The following DENND2C variants were observed in gnomAD, a reference collection of about 807,000 sequenced individuals.
DENND2C encodes DENN domain-containing protein 2C.
A neutral mutation model predicts 112.4 loss-of-function variants in DENND2C; 72 were observed. That is an observed-to-expected ratio of 0.64 (90% CI 0.53 to 0.78). The LOEUF (loss-of-function observed/expected upper bound fraction) is 0.78, where lower values mean the gene tolerates loss of function less well. DENND2C is among the 30% of genes least tolerant of loss of function. The pLI is 0.00. For missense variants in DENND2C, 992 were observed against 1,113.8 expected (o/e 0.89, Z 1.56); for synonymous variants, 329 against 381.6 (o/e 0.86, Z 1.61).
chr1:114,659,691 AT>A (rs1259603494), intron 1 of DENND2C, among the ~76,000 whole-genome samples: 2 of 152,156 alleles, frequency 1.3e-5, no homozygotes, highest in African/African-American at 4.8e-5. Context: ...ATTCTAAAAT[AT>A]TGAAAAATAT....
At position 114,614,813 on chromosome 1, in the gene DENND2C, C is replaced by A. The variant is rs545732304; in HGVS notation, c.1324+3573G>T. Among the ~76,000 whole-genome samples, 8 of 152,178 alleles carry A rather than the reference C, an allele frequency of 5.3e-5. No homozygotes were observed. The East Asian group carries it at 1.2e-3, about 22-fold the overall frequency. On this transcript the variant is annotated intron_variant, in intron 8 of 20. Coordinates refer to ENST00000393274, the MANE Select transcript of DENND2C (RefSeq NM_001256404.2). ...GGATCACGAGGTCAAGAGATTGAGA[C>A]CATCCTGGCCAACGTGGTGAAACCT...
At chr1:114,647,757 A>G (rs1657034668) in intron 2 of DENND2C, among the ~76,000 whole-genome samples, 1 of 151,908 alleles carries the variant, frequency 6.6e-6, no homozygotes, top group Non-Finnish European at 1.5e-5. Flanking sequence ...TTACTTATTA[A>G]GTGTTTACAT....
intron 3 of DENND2C, among the ~76,000 whole-genome samples, chr1:114,630,379 A>C (rs1656457277): frequency 6.6e-6 from 1 of 152,176 alleles, no homozygotes. Context: ...GCCATGATGG[A>C]GTAGCTGAAC....
intron 3 of DENND2C, among the ~76,000 whole-genome samples, chr1:114,634,731 T>G (rs1656601472): frequency 6.6e-6 from 1 of 152,120 alleles, no homozygotes; most frequent in Non-Finnish European, 1.5e-5. Context: ...TTCTTGATAT[T>G]TGAAACTGGA....
At chr1:114,610,949 A>G in intron 9 of DENND2C, 124 bp downstream of exon 9, 1 of 1,096,468 alleles carries the variant, frequency 9.1e-7, no homozygotes, top group Admixed American at 2.1e-5. Flanking sequence ...CTCTGAAAAT[A>G]AGGAAATCAT....
intron 11 of DENND2C, among the ~76,000 whole-genome samples, chr1:114,602,514 T>C (rs780803338): frequency 2.0e-5 from 3 of 152,212 alleles, no homozygotes; most frequent in Non-Finnish European, 2.9e-5. Flanking sequence ...TTGGTTCCTT[T>C]TGTTTTCTTA....
intron 18 of DENND2C, among the ~76,000 whole-genome samples, chr1:114,592,796 C>T (rs985958060): frequency 5.9e-5 from 9 of 152,032 alleles, no homozygotes; most frequent in African/African-American, 2.2e-4. Context: ...GTCTTGAACC[C>T]TCTCCCATCT....
At chr1:114,628,258 T>C (rs999906763) in intron 3 of DENND2C, among the ~76,000 whole-genome samples, 14 of 149,472 alleles carry the variant, frequency 9.4e-5, no homozygotes, top group African/African-American at 3.5e-4. Context: ...TGTTGGAAGC[T>C]GCAGTAAGTT....
intron 1 of DENND2C, among the ~76,000 whole-genome samples, chr1:114,665,503 G>A (rs957925845): frequency 6.6e-6 from 1 of 152,164 alleles, no homozygotes; most frequent in African/African-American, 2.4e-5. Context: ...AAAGCAGTAT[G>A]TGCTCAGTAC....
In DENND2C at chr1:114,625,104, T is replaced by C. The variant is rs77354536; in HGVS notation, c.806+75A>G. 2.2e-3 allele frequency: 3,185 copies of C among 1,426,506 alleles called. 58 individuals carry two copies. In the African/African-American group the frequency reaches 0.041, roughly 18 times the overall value. The allele number at this position is 1,426,506 out of a possible 1,614,324, so 88.4% of individuals were successfully genotyped here. On this transcript the variant is annotated intron_variant, in intron 4 of 20. Coordinates refer to ENST00000393274, the MANE Select transcript of DENND2C (RefSeq NM_001256404.2). ...CTAAGCTGGGAAATGGAAACTGGTT[T>C]GAAAAGGAAAAAGAAGCTCAATAAT...
At chr1:114,640,285 G>C (rs1205234683) in intron 3 of DENND2C, among the ~76,000 whole-genome samples, 2 of 152,162 alleles carry the variant, frequency 1.3e-5, no homozygotes, top group Non-Finnish European at 2.9e-5. Context: ...TTTATGAGAG[G>C]CTATTTTTAC....
intron 9 of DENND2C, among the ~76,000 whole-genome samples, chr1:114,609,373 G>A (rs547856417): frequency 6.6e-6 from 1 of 152,284 alleles, no homozygotes; most frequent in South Asian, 2.1e-4. Context: ...TCCTCACATT[G>A]AAGAAACTGT....
rs752606186 is a variant in DENND2C at position 114,611,129 on chromosome 1, G to T, written c.1325-12C>A. 5.6e-6 allele frequency: 9 copies of T among 1,613,986 alleles called. No individual in the cohort carries two copies. The African/African-American group carries it at 1.2e-4, about 22-fold the overall frequency. ...CCCACTGGTTTCACCTGAAAAGAGA[G>T]AAGGAGTTTCCATTTGTATTGTCCA... On this transcript the variant is annotated splice_polypyrimidine_tract_variant and intron_variant, in intron 8 of 20. Transcript: ENST00000393274.
chr1:114,647,683 A>T (rs926785398), intron 2 of DENND2C, among the ~76,000 whole-genome samples: 2 of 151,918 alleles, frequency 1.3e-5, no homozygotes, highest in African/African-American at 4.8e-5. Flanking sequence ...AGCCTCCCAA[A>T]GTGCTGAGAT....
At chr1:114,636,183 A>G (rs1405085551) in intron 3 of DENND2C, among the ~76,000 whole-genome samples, 1 of 152,058 alleles carries the variant, frequency 6.6e-6, no homozygotes. Flanking sequence ...AAGAAAAAGC[A>G]TTTGAAAAAA....
intron 15 of DENND2C, among the ~76,000 whole-genome samples, chr1:114,599,869 A>C (rs1655445094): frequency 6.6e-6 from 1 of 152,042 alleles, no homozygotes; most frequent in Non-Finnish European, 1.5e-5. Context: ...CTACATTTCA[A>C]AAATATGCCC....
chr1:114,662,424 T>C lies in DENND2C; in HGVS notation c.-574+7559A>G, dbSNP rs147485933. On this transcript the variant is annotated intron_variant, in intron 1 of 20. Transcript: ENST00000393274. ...AAACAAAAAATCCGCAAATATGTCATTTCTATGAATTCAAACTTGAAGGAA... is the reference window on the plus strand; with the variant it reads ...AAACAAAAAATCCGCAAATATGTCACTTCTATGAATTCAAACTTGAAGGAA... Among the ~76,000 whole-genome samples, 322 of 152,304 alleles carry C rather than the reference T, an allele frequency of 2.1e-3. 2 individuals are homozygous for C. Among genetic ancestry groups the C allele is most frequent in the African/African-American group, 7.1e-3 (297 of 41,578 alleles).
chr1:114,600,349 T>G lies in DENND2C; in HGVS notation c.1960A>C (p.Ile654Leu). The G allele has an allele frequency of 6.2e-7, 1 of 1,613,986 alleles. No homozygotes were observed. Among genetic ancestry groups the G allele is most frequent in the Non-Finnish European group, 8.5e-7 (1 of 1,179,950 alleles). Residue 654 changes from isoleucine to leucine, a missense_variant, in exon 15 of 21, where the codon ATT becomes CTT. Around this residue, in one of 3 missense-constraint regions of DENND2C, gnomAD observed 516 missense variants for 623.6 expected, o/e 0.83. Coordinates refer to ENST00000393274, the MANE Select transcript of DENND2C (RefSeq NM_001256404.2). ...SYLPGAGDES[I>L]ELCRPLDSRL... ...GAATCTAGTGGTCGGCAGAGTTCAA[T>G]GGACTGAAATGCAAGAAGTTGAATC...
At chr1:114,598,784 C>A (rs537826128) in intron 16 of DENND2C, among the ~76,000 whole-genome samples, 1 of 152,282 alleles carries the variant, frequency 6.6e-6, no homozygotes. Flanking sequence ...CAGATTCAAG[C>A]AATTCTCCTG....
Sources: gnomAD v4.1 joint callset for allele counts (sites outside exome capture counted in the v4.1 genomes callset) on GRCh38, gnomAD v4.1.1 for gene constraint, gnomAD v4.1.1 regional missense constraint, MANE v1.5 for transcripts, NCBI Gene and HGNC (gene_info 2026-07-23, HGNC 2026-07-21) for gene names.